Variants in SLC10A7 observed in about 807,000 individuals in gnomAD.
The protein encoded by SLC10A7 is sodium/bile acid cotransporter 7.
A neutral mutation model predicts 43.2 loss-of-function variants in SLC10A7; 29 were observed. The observed-to-expected ratio is 0.67, with a 90% CI of 0.50 to 0.92. SLC10A7 has a LOEUF of 0.92. Ranked by LOEUF, SLC10A7 falls within the 40% of genes least tolerant of loss-of-function variation. The pLI, the probability that SLC10A7 is intolerant of heterozygous loss-of-function variation, is 0.00. For missense variants in SLC10A7, 295 were observed against 403.2 expected, an observed-to-expected ratio of 0.73 and a Z score of 2.30; for synonymous variants, 152 against 144.8, an observed-to-expected ratio of 1.05 and a Z score of -0.35.
At chr4:146,503,441 C>T (rs989425590) in intron 4 of SLC10A7, among the ~76,000 whole-genome samples, 4 of 152,196 alleles carry the variant, frequency 2.6e-5, no homozygotes, top group African/African-American at 9.6e-5. Context: ...ATCATCCTCA[C>T]TTGCCATTAA....
chr4:146,396,110 T>C (rs1738806512), intron 5 of SLC10A7, among the ~76,000 whole-genome samples: 1 of 152,190 alleles, frequency 6.6e-6, no homozygotes, highest in Non-Finnish European at 1.5e-5. Flanking sequence ...CTTAATCATG[T>C]CTATCTGAAG....
At chr4:146,482,827 A>G (rs1734590900) in intron 4 of SLC10A7, among the ~76,000 whole-genome samples, 1 of 152,212 alleles carries the variant, frequency 6.6e-6, no homozygotes, top group Admixed American at 6.5e-5. Flanking sequence ...GACAAACAGA[A>G]AACTTTAAAA....
At chr4:146,347,001 G>C (rs1365281794) in intron 5 of SLC10A7, among the ~76,000 whole-genome samples, 1 of 152,078 alleles carries the variant, frequency 6.6e-6, no homozygotes, top group Admixed American at 6.6e-5. Flanking sequence ...AAAGGTAAAG[G>C]CCAGATAATG....
intron 9 of SLC10A7, among the ~76,000 whole-genome samples, chr4:146,285,220 A>G (rs552980393): frequency 6.6e-6 from 1 of 152,300 alleles, no homozygotes; most frequent in East Asian, 1.9e-4. Context: ...GTAGAATGAC[A>G]TAAGTAGATC....
In SLC10A7 at chr4:146,398,072, A is replaced by G. The variant is rs141861671; in HGVS notation, c.435+44711T>C. Among the ~76,000 whole-genome samples the G allele has an allele frequency of 8.8e-3, 1,338 of 152,342 alleles. 10 individuals carry two copies. The highest frequency in any genetic ancestry group is 0.015 in the Non-Finnish European group (1,006 of 68,030). Reference sequence around the variant, plus strand: ...GAATTTTCTGCAACATCATGTAATCAGAACACAATAACTCTTAGGAGCGTC... The same window carrying G: ...GAATTTTCTGCAACATCATGTAATCGGAACACAATAACTCTTAGGAGCGTC... On this transcript the variant is annotated intron_variant, in intron 5 of 11. Coordinates refer to ENST00000335472, the MANE Select transcript of SLC10A7 (RefSeq NM_001029998.6).
chr4:146,307,394 A>G (rs1160359288), intron 6 of SLC10A7, among the ~76,000 whole-genome samples: 1 of 152,320 alleles, frequency 6.6e-6, no homozygotes, highest in East Asian at 1.9e-4. Flanking sequence ...AACAAACAGG[A>G]TTCCTGGTGT....
intron 5 of SLC10A7, among the ~76,000 whole-genome samples, chr4:146,388,962 T>A (rs949359030): frequency 6.6e-6 from 1 of 152,102 alleles, no homozygotes; most frequent in African/African-American, 2.4e-5. Flanking sequence ...ATGTACAGAA[T>A]GGGAGAAAAT....
At position 146,432,251 on chromosome 4, in the gene SLC10A7, C is replaced by G. The variant is rs144176552; in HGVS notation, c.435+10532G>C. Among the ~76,000 whole-genome samples the G allele has an allele frequency of 1.3e-3, 194 of 152,200 alleles. 2 individuals are homozygous for G. The highest frequency in any genetic ancestry group is 9.7e-3 in the Admixed American group (148 of 15,290). ...TGGTTTCTTATAATGTTAAAATATA[C>G]TCACTATATGACTCAGCATAAATAT... On this transcript the variant is annotated intron_variant, in intron 5 of 11. Coordinates refer to ENST00000335472, the MANE Select transcript of SLC10A7 (RefSeq NM_001029998.6).
intron 5 of SLC10A7, among the ~76,000 whole-genome samples, chr4:146,353,926 A>G (rs200810596): frequency 0.44 from 57,444 of 130,306 alleles, 12,801 homozygotes; most frequent in East Asian, 0.59. Flanking sequence ...CCCACAGCCA[A>G]TATCATACTG....
At chr4:146,417,351 G>A in intron 5 of SLC10A7, among the ~76,000 whole-genome samples, 1 of 152,172 alleles carries the variant, frequency 6.6e-6, no homozygotes, top group East Asian at 1.9e-4. Context: ...GTCATTGAAG[G>A]ATTTTAAGCA....
At chr4:146,446,170 G>A (rs779290882) in intron 4 of SLC10A7, among the ~76,000 whole-genome samples, 3 of 151,290 alleles carry the variant, frequency 2.0e-5, no homozygotes, top group South Asian at 2.1e-4. Flanking sequence ...CCCAACACAC[G>A]CACACACACC....
intron 5 of SLC10A7, among the ~76,000 whole-genome samples, chr4:146,430,098 A>G (rs1031275576): frequency 6.0e-5 from 9 of 149,030 alleles, no homozygotes; most frequent in Admixed American, 5.3e-4. Flanking sequence ...CTTAGATAGG[A>G]TACAAAATGC....
intron 10 of SLC10A7, among the ~76,000 whole-genome samples, chr4:146,280,678 A>G (rs1314181622): frequency 6.6e-6 from 1 of 152,192 alleles, no homozygotes; most frequent in Non-Finnish European, 1.5e-5. Flanking sequence ...CAGTAAATTT[A>G]TAGTGCTTAA....
At chr4:146,257,531 G>A (rs1215079427) in intron 11 of SLC10A7, among the ~76,000 whole-genome samples, 1 of 152,128 alleles carries the variant, frequency 6.6e-6, no homozygotes, top group Non-Finnish European at 1.5e-5. Flanking sequence ...ACTACCCTAT[G>A]GTCTCAGGCC....
chr4:146,426,729 G>T (rs1037660983), intron 5 of SLC10A7, among the ~76,000 whole-genome samples: 9 of 152,094 alleles, frequency 5.9e-5, no homozygotes, highest in African/African-American at 1.9e-4. Flanking sequence ...ACAAAAATTA[G>T]CTGGGCATGG....
At chr4:146,287,263 G>T (rs182292138) in intron 9 of SLC10A7, among the ~76,000 whole-genome samples, 127 of 152,258 alleles carry the variant, frequency 8.3e-4, no homozygotes, top group African/African-American at 2.9e-3. Flanking sequence ...AAGAAATCTG[G>T]CAAAGGGAAG....
At chr4:146,396,010 T>A (rs1269248339) in intron 5 of SLC10A7, among the ~76,000 whole-genome samples, 1 of 152,198 alleles carries the variant, frequency 6.6e-6, no homozygotes, top group African/African-American at 2.4e-5. Flanking sequence ...ATTGCTCTCA[T>A]TATACGACAA....
intron 4 of SLC10A7, among the ~76,000 whole-genome samples, chr4:146,464,860 TG>T (rs1384144375): frequency 6.6e-6 from 1 of 152,176 alleles, no homozygotes; most frequent in African/African-American, 2.4e-5. Flanking sequence ...ACAGAATTTT[TG>T]TTTCCTTTAA....
At chr4:146,394,022 C>G (rs1738634271) in intron 5 of SLC10A7, among the ~76,000 whole-genome samples, 1 of 152,018 alleles carries the variant, frequency 6.6e-6, no homozygotes, top group Non-Finnish European at 1.5e-5. Flanking sequence ...ATAGAATATC[C>G]ACTTCAATGA....
Sources: gnomAD v4.1 joint callset for allele counts (sites outside exome capture counted in the v4.1 genomes callset) on GRCh38, gnomAD v4.1.1 for gene constraint, MANE v1.5 for transcripts, NCBI Gene and HGNC (gene_info 2026-07-23, HGNC 2026-07-21) for gene names.